The following PHACTR4 variants were observed in gnomAD, a reference collection of about 807,000 sequenced individuals.
PHACTR4 encodes protein phosphatase 1, regulatory subunit 124.
A neutral mutation model predicts 72.7 loss-of-function variants in PHACTR4; 51 were observed. The observed-to-expected ratio is 0.70, with a 90% confidence interval of 0.56 to 0.89. The LOEUF is 0.89. Ranked by LOEUF, PHACTR4 falls within the 40% of genes least tolerant of loss-of-function variation. PHACTR4 has a pLI of 0.00. For synonymous variants in PHACTR4, 255 were observed against 302.5 expected (o/e 0.84, Z 1.63); for missense variants, 731 against 861.8 (o/e 0.85, Z 1.90).
Position 28,476,772 on chromosome 1 carries a change from C to CTTTT in PHACTR4, c.1606+493_1606+496dup, listed in dbSNP as rs35369238. Among the ~76,000 whole-genome samples the CTTTT allele has an allele frequency of 1.1e-3, 104 of 98,430 alleles. 6 individuals carry two copies. The highest frequency in any genetic ancestry group is 1.7e-3 in the Non-Finnish European group (89 of 50,910). The allele number at this position is 98,430 out of a possible 152,430, so 64.6% of individuals were successfully genotyped here. A position where few individuals can be genotyped will look rare whatever the true frequency, so the allele number is the denominator to read the frequency against. The stretch of plus-strand genomic sequence containing the variant: ...GTCTCGTTAGGTTGCCTAGCCTGTT[C>CTTTT]TTTTTTTTTTTTTTTGAGACGGAGT... On this transcript the variant is annotated intron_variant, in intron 8 of 13. Coordinates refer to ENST00000373839, the MANE Select transcript of PHACTR4 (RefSeq NM_001048183.3).
intron 2 of PHACTR4, among the ~76,000 whole-genome samples, chr1:28,412,461 G>C (rs558070648): frequency 1.1e-4 from 16 of 152,084 alleles, no homozygotes; most frequent in African/African-American, 3.6e-4. Context: ...TGTACTAAAG[G>C]GTTGATATTT....
In PHACTR4 at chr1:28,422,944, G is replaced by A. The variant is rs529006517; in HGVS notation, c.16+15481G>A. On this transcript the variant is annotated intron_variant, in intron 2 of 13. Coordinates refer to ENST00000373839, the MANE Select transcript of PHACTR4 (RefSeq NM_001048183.3). ...TGGGACTACCGGCGCATGCCACTGC[G>A]CCCAGCTAATGTTTTTGTAGTTTTA... Among the ~76,000 whole-genome samples, 16 of 152,246 alleles carry A rather than the reference G, an allele frequency of 1.1e-4. 1 individual carries two copies. The highest frequency in any genetic ancestry group is 3.4e-4 in the African/African-American group (14 of 41,554).
At chr1:28,387,863 G>C (rs1652684803) in intron 1 of PHACTR4, among the ~76,000 whole-genome samples, 1 of 152,118 alleles carries the variant, frequency 6.6e-6, no homozygotes, top group Non-Finnish European at 1.5e-5. Context: ...GGGTAACTGG[G>C]ATTACAGGTG....
rs1014865421 is a variant in PHACTR4 at position 28,444,377 on chromosome 1, G to A, written c.17-14708G>A. ...CCCGAGTAGCTGGGATTACAGGCAC[G>A]TGCCACCATGACCAGCTAATTTTTG... On this transcript the variant is annotated intron_variant, in intron 2 of 13. Coordinates refer to ENST00000373839, the MANE Select transcript of PHACTR4 (RefSeq NM_001048183.3). Among the ~76,000 whole-genome samples, 38 of 148,990 alleles carry A rather than the reference G, an allele frequency of 2.6e-4. 1 individual carries two copies. The highest frequency in any genetic ancestry group is 8.9e-4 in the African/African-American group (36 of 40,570).
chr1:28,379,331 G>A (rs1228987840), intron 1 of PHACTR4, among the ~76,000 whole-genome samples: 2 of 146,720 alleles, frequency 1.4e-5, no homozygotes, highest in African/African-American at 2.5e-5. Flanking sequence ...GCAGTGGTGC[G>A]ACCACAGCTC....
intron 1 of PHACTR4, among the ~76,000 whole-genome samples, chr1:28,381,263 A>G (rs1484474480): frequency 1.4e-5 from 2 of 144,962 alleles, no homozygotes; most frequent in East Asian, 2.0e-4. Context: ...TCGGCCTCCT[A>G]AAGTGCTGAG....
At chr1:28,390,673 A>T (rs1438814109) in intron 1 of PHACTR4, among the ~76,000 whole-genome samples, 14 of 151,894 alleles carry the variant, frequency 9.2e-5, no homozygotes, top group Admixed American at 9.2e-4. Flanking sequence ...CATACCTGTA[A>T]TCCCACATAC....
At chr1:28,407,517 C>A in intron 2 of PHACTR4, 54 bp downstream of exon 2, 1 of 1,496,260 alleles carries the variant, frequency 6.7e-7, no homozygotes, top group Admixed American at 1.8e-5. Flanking sequence ...TTATCCTCAC[C>A]TCCATTAAAG....
rs560543474 is a variant in PHACTR4 at position 28,491,817 on chromosome 1, T to C, written c.2016+30T>C. On this transcript the variant is annotated intron_variant, in intron 12 of 13. Transcript: ENST00000373839. ...CTGGAAAGCACTCTCTTGCTTTTTT[T>C]CTCTTTCTCTTTTTCTCTTTATTTG... The C allele has an allele frequency of 7.5e-6, 12 of 1,598,480 alleles. No individual in the cohort carries two copies. In the East Asian group the frequency reaches 2.5e-4, roughly 33 times the overall value.
At chr1:28,402,566 A>T (rs530146872) in intron 1 of PHACTR4, among the ~76,000 whole-genome samples, 78 of 152,312 alleles carry the variant, frequency 5.1e-4, no homozygotes, top group South Asian at 1.0e-3. Context: ...AGCCTAGATA[A>T]CATAGTGAGA....
At position 28,370,611 on chromosome 1, in the gene PHACTR4, C is replaced by CAAAA. The variant is rs112345135; in HGVS notation, c.-39+795_-39+798dup. 6.9e-5 allele frequency among the ~76,000 whole-genome samples: 9 copies of CAAAA among 130,230 alleles called. 1 individual carries two copies. Among genetic ancestry groups the CAAAA allele is most frequent in the African/African-American group, 1.2e-4 (4 of 33,120 alleles). 85.4% of individuals were successfully genotyped at this position (130,230 alleles called of 152,430 possible). A position where few individuals can be genotyped will look rare whatever the true frequency, so the allele number is the denominator to read the frequency against. On this transcript the variant is annotated intron_variant, in intron 1 of 13. Coordinates refer to ENST00000373839, the MANE Select transcript of PHACTR4 (RefSeq NM_001048183.3). ...CTTACAGGGCATCACTGATTGCTTG[C>CAAAA]AAAAAAAAAAAACCCTCCAGTGCTT... is the stretch of plus-strand genomic sequence containing the variant.
At chr1:28,491,847 A>C in intron 12 of PHACTR4, 60 bp downstream of exon 12, 1 of 1,560,052 alleles carries the variant, frequency 6.4e-7, no homozygotes, top group South Asian at 1.2e-5. Context: ...TATTTGGAGG[A>C]TCCAAGATAC....
intron 1 of PHACTR4, among the ~76,000 whole-genome samples, chr1:28,392,651 C>T (rs1653148542): frequency 6.6e-6 from 1 of 151,908 alleles, no homozygotes; most frequent in African/African-American, 2.4e-5. Flanking sequence ...CCTCAGCCTC[C>T]CAAAGTGCTG....
At chr1:28,402,257 A>C (rs1456728099) in intron 1 of PHACTR4, among the ~76,000 whole-genome samples, 2 of 152,074 alleles carry the variant, frequency 1.3e-5, no homozygotes, top group East Asian at 3.9e-4. Flanking sequence ...ATGAATAGGG[A>C]ATACCTGGGG....
At chr1:28,369,973 A>AGGGCG (rs1333680329) in intron 1 of PHACTR4, 148 bp downstream of exon 1, 2 of 337,064 alleles carry the variant, frequency 5.9e-6, no homozygotes, top group Non-Finnish European at 5.6e-6. Context: ...GCTTCGGGCC[A>AGGGCG]GGGCGGGGCG....
At chr1:28,424,900 TC>T (rs540804241) in intron 2 of PHACTR4, among the ~76,000 whole-genome samples, 2 of 151,810 alleles carry the variant, frequency 1.3e-5, no homozygotes, top group East Asian at 3.9e-4. Context: ...TTCAAACAAT[TC>T]TCCCTGCCTC....
At chr1:28,401,567 A>G (rs1340574983) in intron 1 of PHACTR4, among the ~76,000 whole-genome samples, 1 of 152,018 alleles carries the variant, frequency 6.6e-6, no homozygotes, top group East Asian at 1.9e-4. Context: ...TTGGCCTCCC[A>G]AAATGCTAGG....
chr1:28,489,131 G>C (rs766104046), intron 9 of PHACTR4, 39 bp from the exon 10 acceptor site: 41 of 1,567,198 alleles, frequency 2.6e-5, no homozygotes, highest in Non-Finnish European at 3.6e-5. Context: ...AGATTGGGAG[G>C]TTTAACATAA....
At chr1:28,381,255 G>T (rs867021765) in intron 1 of PHACTR4, among the ~76,000 whole-genome samples, 8 of 142,822 alleles carry the variant, frequency 5.6e-5, no homozygotes, top group Non-Finnish European at 9.1e-5. Context: ...TGCCCGCCTC[G>T]GCCTCCTAAA....
Sources: allele counts gnomAD v4.1 joint callset (sites outside exome capture counted in the v4.1 genomes callset), GRCh38; gene constraint gnomAD v4.1.1; transcripts MANE v1.5; gene names NCBI Gene and HGNC (gene_info 2026-07-23, HGNC 2026-07-21).